Variants in L3MBTL4 observed in about 807,000 individuals in gnomAD.
L3MBTL4 encodes the protein lethal(3)malignant brain tumor-like protein 4.
In L3MBTL4, 70 loss-of-function variants were observed where a neutral mutation model predicts 84.5. That is an observed-to-expected ratio of 0.83 (90% CI 0.68 to 1.01). The LOEUF (loss-of-function observed/expected upper bound fraction) is 1.01, where lower values mean the gene tolerates loss of function less well. Among genes scored for constraint, L3MBTL4 ranks in the 50% least tolerant of loss-of-function variants. L3MBTL4 has a pLI of 0.00. For missense variants in L3MBTL4, 715 were observed against 754.8 expected, an observed-to-expected ratio of 0.95 and a Z score of 0.62; for synonymous variants, 274 against 259.8, an observed-to-expected ratio of 1.05 and a Z score of -0.52.
At chr18:6,342,387 T>A (rs951423708) in intron 1 of L3MBTL4, among the ~76,000 whole-genome samples, 2 of 152,166 alleles carry the variant, frequency 1.3e-5, no homozygotes, top group African/African-American at 4.8e-5. Flanking sequence ...AAAGATAGAT[T>A]TATTATATTA....
At chr18:6,310,421 T>A (rs893457067) in intron 3 of L3MBTL4, among the ~76,000 whole-genome samples, 15 of 152,246 alleles carry the variant, frequency 9.9e-5, no homozygotes, top group African/African-American at 3.6e-4. Flanking sequence ...GGAATGGCTC[T>A]AGAGCTTGGC....
At chr18:6,030,932 G>T in intron 16 of L3MBTL4, 1 of 984,374 alleles carries the variant, frequency 1.0e-6, no homozygotes, top group Non-Finnish European at 1.2e-6. Context: ...AATACAATAA[G>T]TTTATTGTTA....
intron 17 of L3MBTL4, among the ~76,000 whole-genome samples, chr18:5,968,011 C>G (rs968832689): frequency 2.1e-4 from 32 of 152,344 alleles, no homozygotes; most frequent in Middle Eastern, 3.4e-3. Context: ...GGAACTGGGG[C>G]CATGATGCCA....
At chr18:5,998,928 TA>T (rs767879148) in intron 16 of L3MBTL4, among the ~76,000 whole-genome samples, 7 of 152,196 alleles carry the variant, frequency 4.6e-5, no homozygotes, top group Non-Finnish European at 8.8e-5. Flanking sequence ...TTCTCTGCCA[TA>T]AATCTAACTA....
chr18:6,268,669 T>C (rs1184534692), intron 4 of L3MBTL4, among the ~76,000 whole-genome samples: 1 of 152,222 alleles, frequency 6.6e-6, no homozygotes, highest in Non-Finnish European at 1.5e-5. Context: ...CTAAATTCCA[T>C]TTCTTCTCAC....
chr18:6,302,990 CA>C (rs142760512), intron 3 of L3MBTL4, among the ~76,000 whole-genome samples: 5 of 148,722 alleles, frequency 3.4e-5, no homozygotes, highest in East Asian at 2.0e-4. Flanking sequence ...GATTCTGTCT[CA>C]AAAAAAAAAT....
At chr18:6,269,438 C>T (rs558978972) in intron 4 of L3MBTL4, among the ~76,000 whole-genome samples, 11 of 152,088 alleles carry the variant, frequency 7.2e-5, no homozygotes, top group South Asian at 2.1e-4. Flanking sequence ...GCTTGGGTGA[C>T]GGAGCGAGAC....
At chr18:6,008,565 T>C (rs998219075) in intron 16 of L3MBTL4, among the ~76,000 whole-genome samples, 3 of 152,172 alleles carry the variant, frequency 2.0e-5, no homozygotes, top group Non-Finnish European at 2.9e-5. Context: ...AGAGCTCTTA[T>C]GTTTCTTCCT....
At chr18:6,241,630 C>T (rs2047454995) in intron 7 of L3MBTL4, among the ~76,000 whole-genome samples, 181 bp from the exon 8 acceptor site, 1 of 152,194 alleles carries the variant, frequency 6.6e-6, no homozygotes, top group African/African-American at 2.4e-5. Flanking sequence ...AATTCAACGT[C>T]CTTAGCACCC....
intron 5 of L3MBTL4, among the ~76,000 whole-genome samples, chr18:6,249,653 C>T (rs2047837689): frequency 6.6e-6 from 1 of 152,142 alleles, no homozygotes; most frequent in Non-Finnish European, 1.5e-5. Context: ...AGTCTCTCTT[C>T]TCTGTTAAAT....
chr18:6,378,262 G>A (rs2054454132), intron 1 of L3MBTL4, among the ~76,000 whole-genome samples: 1 of 152,156 alleles, frequency 6.6e-6, no homozygotes, highest in South Asian at 2.1e-4. Flanking sequence ...CTCCCATTCT[G>A]TAGGTTGCCT....
intron 16 of L3MBTL4, among the ~76,000 whole-genome samples, chr18:5,998,580 C>G (rs1292438124): frequency 6.6e-6 from 1 of 152,102 alleles, no homozygotes; most frequent in Non-Finnish European, 1.5e-5. Flanking sequence ...GTCAGCTAAT[C>G]ATTTATGAGG....
At chr18:6,153,628 C>A (rs761137278) in intron 13 of L3MBTL4, among the ~76,000 whole-genome samples, 2 of 152,088 alleles carry the variant, frequency 1.3e-5, no homozygotes, top group Admixed American at 1.3e-4. Flanking sequence ...TGGTTTGGCT[C>A]GGTGTCCCCA....
chr18:6,143,589 C>G (rs2060258197), intron 13 of L3MBTL4, among the ~76,000 whole-genome samples: 1 of 152,108 alleles, frequency 6.6e-6, no homozygotes, highest in Admixed American at 6.5e-5. Flanking sequence ...CGTATTTTTG[C>G]CAAGAATAGC....
At chr18:6,114,844 G>C (rs1288123352) in intron 14 of L3MBTL4, among the ~76,000 whole-genome samples, 2 of 152,228 alleles carry the variant, frequency 1.3e-5, no homozygotes, top group African/African-American at 4.8e-5. Flanking sequence ...TGCCTTCAGT[G>C]CTGAGGGAGG....
intron 1 of L3MBTL4, among the ~76,000 whole-genome samples, chr18:6,316,172 C>T (rs1487342849): frequency 6.6e-6 from 1 of 151,680 alleles, no homozygotes; most frequent in East Asian, 1.9e-4. Flanking sequence ...GGAGCTAGTG[C>T]CGGTGCCTAC....
intron 12 of L3MBTL4, among the ~76,000 whole-genome samples, chr18:6,187,417 T>C (rs976596983): frequency 6.6e-6 from 1 of 152,200 alleles, no homozygotes; most frequent in Non-Finnish European, 1.5e-5. Flanking sequence ...ATTTCAACAA[T>C]AAAATCTATG....
intron 3 of L3MBTL4, among the ~76,000 whole-genome samples, chr18:6,303,331 G>A (rs1384658461): frequency 6.6e-6 from 1 of 152,052 alleles, no homozygotes; most frequent in African/African-American, 2.4e-5. Context: ...ATATTGGCCA[G>A]GCTGGTCTCA....
intron 5 of L3MBTL4, among the ~76,000 whole-genome samples, chr18:6,251,771 C>T (rs889745656): frequency 1.3e-5 from 2 of 152,082 alleles, no homozygotes; most frequent in African/African-American, 4.8e-5. Flanking sequence ...ATTAAGTAAT[C>T]CCCAGCTGCC....
Sources: gnomAD v4.1 joint callset for allele counts (sites outside exome capture counted in the v4.1 genomes callset) on GRCh38, gnomAD v4.1.1 for gene constraint, MANE v1.5 for transcripts, NCBI Gene and HGNC (gene_info 2026-07-23, HGNC 2026-07-21) for gene names.